The following TMEM132B variants were observed in gnomAD, a reference collection of about 807,000 sequenced individuals.
TMEM132B encodes the protein transmembrane protein 132B.
In TMEM132B, 18 loss-of-function variants were observed where a neutral mutation model predicts 90.8. The observed-to-expected ratio is 0.20, with a 90% CI of 0.14 to 0.29. TMEM132B has a LOEUF of 0.29. Ranked by LOEUF, TMEM132B falls within the 10% of genes least tolerant of loss-of-function variation. The pLI is 1.00. For synonymous variants in TMEM132B, 504 were observed against 523.3 expected (o/e 0.96, Z 0.50); for missense variants, 1,096 against 1,326.8 (o/e 0.83, Z 2.70).
At chr12:125,360,798 G>A (rs2136249763) in intron 2 of TMEM132B, among the ~76,000 whole-genome samples, 1 of 151,960 alleles carries the variant, frequency 6.6e-6, no homozygotes, top group African/African-American at 2.4e-5. Context: ...GGGTAGGGCA[G>A]TATGATCAAA....
intron 5 of TMEM132B, among the ~76,000 whole-genome samples, chr12:125,635,219 T>C (rs1656560924): frequency 6.6e-6 from 1 of 152,222 alleles, no homozygotes; most frequent in Admixed American, 6.5e-5. Context: ...TAGGTATACA[T>C]GTGCCATGTT....
rs2136561742 is a variant in TMEM132B, at chr12:125,492,452, G to A, written c.1107-26987G>A. Reference sequence around the variant, plus strand: ...AAGGGGACTGCACGGCTGCTTTGCAGGGGCCCCGACTGCTCCTTCCTGGGA... The same window carrying A: ...AAGGGGACTGCACGGCTGCTTTGCAAGGGCCCCGACTGCTCCTTCCTGGGA... On this transcript the variant is annotated intron_variant, in intron 3 of 8. Transcript: ENST00000682704. This position sits in a 1 kb window ranked among gnomAD's most constrained non-coding sequence, Gnocchi z 5.8. Among the ~76,000 whole-genome samples the A allele has an allele frequency of 6.6e-6, 1 of 152,278 alleles. No individual in the cohort carries two copies. The highest frequency in any genetic ancestry group is 6.5e-5 in the Admixed American group (1 of 15,310).
intron 1 of TMEM132B, among the ~76,000 whole-genome samples, chr12:125,285,745 G>T (rs1875333034): frequency 6.6e-6 from 1 of 152,220 alleles, no homozygotes; most frequent in Admixed American, 6.5e-5. Context: ...GGAGACCCCA[G>T]GTCTGGCCGC....
chr12:125,620,272 CA>C (rs1238173778), intron 5 of TMEM132B, among the ~76,000 whole-genome samples: 25 of 152,188 alleles, frequency 1.6e-4, no homozygotes, highest in African/African-American at 6.0e-4. Context: ...GTACTTTAGA[CA>C]ATAATGTCAT....
At chr12:125,302,562 G>A (rs1435752498) in intron 1 of TMEM132B, among the ~76,000 whole-genome samples, 1 of 152,168 alleles carries the variant, frequency 6.6e-6, no homozygotes, top group Non-Finnish European at 1.5e-5. Context: ...GGCAGAGCTG[G>A]ATTTGAACCC....
chr12:125,328,275 C>T (rs6488996), intron 1 of TMEM132B, among the ~76,000 whole-genome samples: 102,586 of 152,102 alleles, frequency 0.67, 35,377 homozygotes, highest in East Asian at 0.81. Flanking sequence ...CAGCCCAGCA[C>T]GGTGCCCTCA....
At chr12:125,592,860 T>C (rs974773915) in intron 5 of TMEM132B, among the ~76,000 whole-genome samples, 5 of 152,222 alleles carry the variant, frequency 3.3e-5, no homozygotes, top group African/African-American at 9.6e-5. Context: ...TGGTAGGTAG[T>C]GGGATCTAAG....
At chr12:125,389,218 A>G (rs1202266830) in intron 2 of TMEM132B, among the ~76,000 whole-genome samples, 26 of 152,294 alleles carry the variant, frequency 1.7e-4, no homozygotes, top group Non-Finnish European at 1.5e-5. Flanking sequence ...AGGGAGTACT[A>G]AGTGTTATGC....
chr12:125,366,363 T>C (rs1309311468), intron 2 of TMEM132B, among the ~76,000 whole-genome samples: 1 of 152,202 alleles, frequency 6.6e-6, no homozygotes, highest in Non-Finnish European at 1.5e-5. Context: ...CTCTTTGATA[T>C]GATGATTACC....
intron 5 of TMEM132B, among the ~76,000 whole-genome samples, chr12:125,614,319 C>T (rs765065467): frequency 6.6e-6 from 1 of 152,100 alleles, no homozygotes; most frequent in Non-Finnish European, 1.5e-5. Context: ...CTTATGTCCA[C>T]GTGTGCTCAA....
In TMEM132B at chr12:125,445,674, A is replaced by G. The variant is rs1186543110; in HGVS notation, c.1106+29997A>G. ...CCCTTGGCAAGCTCACAAGCTGGCC[A>G]GGCCTGGGTACCATCTTGTTGGGGC... On this transcript the variant is annotated intron_variant, in intron 3 of 8. Coordinates refer to ENST00000682704, the MANE Select transcript of TMEM132B (RefSeq NM_001366854.1). This position sits in a 1 kb window ranked among gnomAD's most constrained non-coding sequence, Gnocchi z 4.3. Among the ~76,000 whole-genome samples the G allele has an allele frequency of 6.6e-6, 1 of 152,208 alleles. No individual in the cohort carries two copies. Among genetic ancestry groups the G allele is most frequent in the Non-Finnish European group, 1.5e-5 (1 of 68,026 alleles).
intron 3 of TMEM132B, among the ~76,000 whole-genome samples, chr12:125,432,867 G>T (rs943053582): frequency 2.6e-5 from 4 of 152,078 alleles, no homozygotes; most frequent in African/African-American, 9.7e-5. Context: ...TGCTATGTGA[G>T]AATGTTTTCC....
intron 1 of TMEM132B, among the ~76,000 whole-genome samples, chr12:125,312,312 C>T (rs12427366): frequency 0.084 from 12,832 of 152,268 alleles, 608 homozygotes; most frequent in Non-Finnish European, 0.1. Flanking sequence ...CCAGCTGCCT[C>T]GCATGTCCTT....
intron 5 of TMEM132B, among the ~76,000 whole-genome samples, chr12:125,629,422 A>G (rs1249745541): frequency 6.6e-6 from 1 of 151,856 alleles, no homozygotes; most frequent in Admixed American, 6.6e-5. Context: ...ATTATTTTTT[A>G]AATTTCTTTT....
At chr12:125,535,588 C>T (rs1183518343) in intron 4 of TMEM132B, among the ~76,000 whole-genome samples, 2 of 152,122 alleles carry the variant, frequency 1.3e-5, no homozygotes, top group East Asian at 1.9e-4. Flanking sequence ...TTCTCTGCCA[C>T]GATTAAAGAC....
At chr12:125,311,163 G>C (rs1876113731) in intron 1 of TMEM132B, among the ~76,000 whole-genome samples, 2 of 152,160 alleles carry the variant, frequency 1.3e-5, no homozygotes, top group South Asian at 4.1e-4. Context: ...GCCCTTTAAA[G>C]GGAGATTCTT....
At chr12:125,604,773 C>A (rs1885653182) in intron 5 of TMEM132B, among the ~76,000 whole-genome samples, 1 of 152,138 alleles carries the variant, frequency 6.6e-6, no homozygotes, top group African/African-American at 2.4e-5. Context: ...TTTCTGAAAT[C>A]TTTGTTTGTG....
chr12:125,494,421 C>T (rs1882462641), intron 3 of TMEM132B, among the ~76,000 whole-genome samples: 2 of 144,308 alleles, frequency 1.4e-5, no homozygotes, highest in Admixed American at 6.8e-5. Flanking sequence ...CCTCCCCCTC[C>T]TCCCTGGAAA....
At chr12:125,403,245 T>C (rs1224988773) in intron 2 of TMEM132B, among the ~76,000 whole-genome samples, 1 of 152,220 alleles carries the variant, frequency 6.6e-6, no homozygotes, top group Non-Finnish European at 1.5e-5. Flanking sequence ...GTCTTGAATC[T>C]ACCTCTACTT....
Sources: gnomAD v4.1 joint callset for allele counts (sites outside exome capture counted in the v4.1 genomes callset) on GRCh38, gnomAD v4.1.1 for gene constraint, Gnocchi (gnomAD v3.1) non-coding constraint, MANE v1.5 for transcripts, NCBI Gene and HGNC (gene_info 2026-07-23, HGNC 2026-07-21) for gene names.